The following GBX1 variants were observed in gnomAD, a reference collection of about 807,000 sequenced individuals.
GBX1 encodes homeobox protein GBX-1.
A neutral mutation model predicts 22.9 loss-of-function variants in GBX1; 9 were observed. The observed-to-expected ratio is 0.39, with a 90% CI of 0.24 to 0.69. The LOEUF (loss-of-function observed/expected upper bound fraction) is 0.69, where lower values mean the gene tolerates loss of function less well. Ranked by LOEUF, GBX1 falls within the 30% of genes least tolerant of loss-of-function variation. The pLI is 0.43. For missense variants in GBX1, 494 were observed against 509.2 expected (o/e 0.97, Z 0.29); for synonymous variants, 203 against 227.3 (o/e 0.89, Z 0.96).
chr7:151,159,113 C>G (rs1190091025), intron 1 of GBX1, among the ~76,000 whole-genome samples: 3 of 147,932 alleles, frequency 2.0e-5, no homozygotes, highest in African/African-American at 7.5e-5. Flanking sequence ...GAGACAGGGT[C>G]TCACTCCGTT....
chr7:151,160,773 C>G (rs1370646358), intron 1 of GBX1, among the ~76,000 whole-genome samples: 4 of 152,198 alleles, frequency 2.6e-5, no homozygotes, highest in Non-Finnish European at 5.9e-5. Flanking sequence ...GTACTCTAAG[C>G]TGATAACTTT....
At position 151,167,478 on chromosome 7, in the gene GBX1, G is replaced by C; in HGVS notation, c.71C>G (p.Ala24Gly). 6.7e-7 allele frequency: 1 copy of C among 1,501,550 alleles called. No homozygotes were observed. The highest frequency in any genetic ancestry group is 1.5e-5 in the African/African-American group (1 of 68,622). The allele number at this position is 1,501,550 out of a possible 1,614,324, so 93.0% of individuals were successfully genotyped here. A position where few individuals can be genotyped will look rare whatever the true frequency, so the allele number is the denominator to read the frequency against. The stretch of plus-strand genomic sequence containing the variant: ...CCCGATTAGGGAGTCGATGGAGAAG[G>C]CAGTGCCCGGGCCCCCGCCGCCGCC... ...GGGGGGGPGT[A>G]FSIDSLIGPP... Residue 24 changes from alanine to glycine, a missense_variant, in exon 1 of 2, where the codon GCC (alanine) becomes GGC (glycine). Around this residue, in one of 3 missense-constraint regions of GBX1, gnomAD observed 365 missense variants for 340.4 expected, o/e 1.07. Coordinates refer to ENST00000297537, the MANE Select transcript of GBX1 (RefSeq NM_001098834.3). This position sits in a 1 kb window ranked among gnomAD's most constrained non-coding sequence, Gnocchi z 5.9.
intron 1 of GBX1, among the ~76,000 whole-genome samples, chr7:151,163,475 G>A (rs1394124841): frequency 1.3e-5 from 2 of 152,086 alleles, no homozygotes; most frequent in Non-Finnish European, 2.9e-5. Flanking sequence ...GTTCACCTGT[G>A]GCTACTGACC....
chr7:151,149,751 C>T, intron 1 of GBX1: 1 of 359,814 alleles, frequency 2.8e-6, no homozygotes, highest in Admixed American at 3.5e-5. Flanking sequence ...TCTGTTCTGT[C>T]TCCTCCTCTC....
intron 1 of GBX1, among the ~76,000 whole-genome samples, chr7:151,157,165 A>C (rs1023323080): frequency 6.6e-6 from 1 of 151,010 alleles, no homozygotes; most frequent in Non-Finnish European, 1.5e-5. Flanking sequence ...GCATGGTGGC[A>C]CATGCCTGTA....
chr7:151,149,152 G>A lies in GBX1; in HGVS notation c.539-10C>T, dbSNP rs1375356754. ...TACACCTTCCCCTCTGCTGTGAGGAGCAAGAAGCCAATGGATGGGGAGGGA... is the reference window on the plus strand; with the variant it reads ...TACACCTTCCCCTCTGCTGTGAGGAACAAGAAGCCAATGGATGGGGAGGGA... On this transcript the variant is annotated splice_polypyrimidine_tract_variant and intron_variant, in intron 1 of 1. Transcript: ENST00000297537. 5 of 1,592,424 alleles carry A rather than the reference G, an allele frequency of 3.1e-6. No individual in the cohort carries two copies. Among genetic ancestry groups the A allele is most frequent in the Non-Finnish European group, 4.3e-6 (5 of 1,173,966 alleles).
intron 1 of GBX1, among the ~76,000 whole-genome samples, chr7:151,165,756 A>G (rs1204092303): frequency 6.6e-6 from 1 of 152,242 alleles, no homozygotes; most frequent in Non-Finnish European, 1.5e-5. Context: ...GGAGAAAAGA[A>G]TAGGAAGACA....
At chr7:151,157,664 C>T (rs145662396) in intron 1 of GBX1, among the ~76,000 whole-genome samples, 183 of 152,278 alleles carry the variant, frequency 1.2e-3, no homozygotes, top group African/African-American at 4.2e-3. Flanking sequence ...TACCTTCCCC[C>T]TTTTGCTCAG....
At chr7:151,150,118 G>T in intron 1 of GBX1, 1 of 331,720 alleles carries the variant, frequency 3.0e-6, no homozygotes, top group Non-Finnish European at 6.0e-6. Flanking sequence ...TGATTCAGTA[G>T]AATACTGATT....
At chr7:151,166,217 A>C (rs1478992246) in intron 1 of GBX1, among the ~76,000 whole-genome samples, 2 of 152,098 alleles carry the variant, frequency 1.3e-5, no homozygotes, top group Admixed American at 1.3e-4. Context: ...CCCTGCCTCT[A>C]TGGAGAGGGC....
In GBX1 at chr7:151,167,491, C is replaced by G. The variant is rs1181225281; in HGVS notation, c.58G>C (p.Gly20Arg). The G allele has an allele frequency of 5.9e-5, 88 of 1,488,088 alleles. No homozygotes were observed. The highest frequency in any genetic ancestry group is 7.2e-5 in the Non-Finnish European group (81 of 1,127,706). 92.2% of individuals were successfully genotyped at this position (1,488,088 alleles called of 1,614,324 possible). The change falls in exon 1 of 2, where the codon GGC becomes CGC. Residue 20 changes from glycine to arginine, a missense_variant. Gly to Arg is a moderately radical substitution (Grantham distance 125). Coordinates refer to ENST00000297537, the MANE Select transcript of GBX1 (RefSeq NM_001098834.3). The surrounding 1 kb of genome is among the most constrained non-coding windows in gnomAD (Gnocchi z 5.9). ...TCGATGGAGAAGGCAGTGCCCGGGC[C>G]CCCGCCGCCGCCCCCGCCGTTGCCC... ...PGGNGGGGGG[G>R]PGTAFSIDSL...
At chr7:151,158,264 C>T (rs1801157296) in intron 1 of GBX1, among the ~76,000 whole-genome samples, 1 of 152,140 alleles carries the variant, frequency 6.6e-6, no homozygotes, top group South Asian at 2.1e-4. Flanking sequence ...TTCCATATTA[C>T]CTAAAATTAT....
chr7:151,156,385 C>CAAA (rs56947735), intron 1 of GBX1, among the ~76,000 whole-genome samples: 331 of 15,896 alleles, frequency 0.021, 38 homozygotes, highest in Non-Finnish European at 0.032. Context: ...GACCCTGTCT[C>CAAA]AAAAAAAAAA....
rs746533652 is a variant in GBX1, at chr7:151,148,613, T to C, written c.1068A>G (p.Gln356=). Reference sequence around the variant, plus strand: ...TTCAGGGCCGGGCCCCCTGCTCCATTTGTTGGTGCTGGCTCCGCACAGCAA... The same window carrying C: ...TTCAGGGCCGGGCCCCCTGCTCCATCTGTTGGTGCTGGCTCCGCACAGCAA... ...NRFAVRSQHQ[Q]MEQGARP Residue 356 remains glutamine, a synonymous_variant, in exon 2 of 2, where the codon CAA becomes CAG. Transcript: ENST00000297537. This position sits in a 1 kb window ranked among gnomAD's most constrained non-coding sequence, Gnocchi z 5.1. 1 of 1,613,796 alleles carries C rather than the reference T, an allele frequency of 6.2e-7. No homozygotes were observed. The highest frequency in any genetic ancestry group is 2.2e-5 in the East Asian group (1 of 44,878).
chr7:151,154,168 G>A (rs1359612287), intron 1 of GBX1, among the ~76,000 whole-genome samples: 3 of 152,112 alleles, frequency 2.0e-5, no homozygotes, highest in South Asian at 2.1e-4. Flanking sequence ...CAGAGAGCGC[G>A]CCACTGCACT....
chr7:151,165,015 T>A (rs80155892), intron 1 of GBX1, among the ~76,000 whole-genome samples: 5 of 151,372 alleles, frequency 3.3e-5, no homozygotes, highest in African/African-American at 1.2e-4. Context: ...ACACACACAC[T>A]CACTCACACT....
At chr7:151,152,382 A>G (rs1452122042) in intron 1 of GBX1, among the ~76,000 whole-genome samples, 1 of 152,212 alleles carries the variant, frequency 6.6e-6, no homozygotes, top group Non-Finnish European at 1.5e-5. Flanking sequence ...CTGGAGAGGA[A>G]TTCATATGCA....
At chr7:151,153,017 T>A (rs952304742) in intron 1 of GBX1, among the ~76,000 whole-genome samples, 4 of 151,372 alleles carry the variant, frequency 2.6e-5, no homozygotes, top group Admixed American at 2.6e-4. Context: ...TCTGGGACAA[T>A]GAGGAAGACC....
At chr7:151,165,025 T>G (rs1801234461) in intron 1 of GBX1, among the ~76,000 whole-genome samples, 1 of 151,678 alleles carries the variant, frequency 6.6e-6, no homozygotes, top group Admixed American at 6.6e-5. Context: ...TCACTCACAC[T>G]TGTGGTCCAG....
Sources: gnomAD v4.1 joint callset for allele counts (sites outside exome capture counted in the v4.1 genomes callset) on GRCh38, gnomAD v4.1.1 for gene constraint, gnomAD v4.1.1 regional missense constraint, Gnocchi (gnomAD v3.1) non-coding constraint, MANE v1.5 for transcripts, NCBI Gene and HGNC (gene_info 2026-07-23, HGNC 2026-07-21) for gene names.